Variants in RHOH observed in about 807,000 individuals in gnomAD.
RHOH encodes the protein rho-related GTP-binding protein RhoH.
Under a neutral mutation model 13.8 loss-of-function variants are expected in RHOH, and 6 were observed. The observed-to-expected ratio is 0.44, with a 90% confidence interval of 0.24 to 0.86. The LOEUF is 0.86. Ranked by LOEUF, RHOH falls within the 40% of genes least tolerant of loss-of-function variation. The probability of loss-of-function intolerance (pLI) is 0.24; values close to 1 mark genes in which losing one functional copy is unlikely to be tolerated. For synonymous variants in RHOH, 117 were observed against 103.0 expected (o/e 1.14, Z -0.82); for missense variants, 147 against 244.5 (o/e 0.60, Z 2.66).
intron 1 of RHOH, among the ~76,000 whole-genome samples, chr4:40,226,441 G>A (rs182571153): frequency 6.0e-5 from 9 of 150,488 alleles, no homozygotes; most frequent in African/African-American, 1.5e-4. Flanking sequence ...CAGGAGAATC[G>A]CATGAACCCA....
intron 1 of RHOH, among the ~76,000 whole-genome samples, chr4:40,242,475 T>C (rs149509716): frequency 1.1e-3 from 166 of 152,288 alleles, no homozygotes; most frequent in Non-Finnish European, 1.6e-3. Flanking sequence ...CTCAAAGCCA[T>C]GTGTAGGTGA....
At chr4:40,224,346 G>A (rs904475036) in intron 1 of RHOH, among the ~76,000 whole-genome samples, 2 of 152,180 alleles carry the variant, frequency 1.3e-5, no homozygotes, top group Non-Finnish European at 2.9e-5. Flanking sequence ...CGTGAATAAT[G>A]TAGCAATGGA....
chr4:40,205,631 T>G (rs1724554194), intron 1 of RHOH: 2 of 152,206 alleles, frequency 1.3e-5, no homozygotes, highest in Non-Finnish European at 2.9e-5. Flanking sequence ...TTTCCTGTCC[T>G]CCCAGACTGT....
At chr4:40,222,883 A>G (rs1043481286) in intron 1 of RHOH, among the ~76,000 whole-genome samples, 2 of 152,246 alleles carry the variant, frequency 1.3e-5, no homozygotes, top group African/African-American at 4.8e-5. Flanking sequence ...TTTGTGATTC[A>G]TGGCAGAAGG....
intron 1 of RHOH, among the ~76,000 whole-genome samples, chr4:40,238,441 G>A (rs1219586396): frequency 3.3e-5 from 5 of 152,190 alleles, no homozygotes; most frequent in African/African-American, 1.2e-4. Context: ...TTCTCCGGAG[G>A]AGGAAATGGG....
intron 1 of RHOH, among the ~76,000 whole-genome samples, chr4:40,219,767 G>A (rs1344240952): frequency 1.3e-5 from 2 of 152,152 alleles, no homozygotes; most frequent in Non-Finnish European, 2.9e-5. Flanking sequence ...GAAGAGCCAG[G>A]GCAGGAAAGC....
chr4:40,234,264 C>T (rs1489721126), intron 1 of RHOH, among the ~76,000 whole-genome samples: 1 of 152,156 alleles, frequency 6.6e-6, no homozygotes, highest in Admixed American at 6.5e-5. Flanking sequence ...TGGGGTTGCA[C>T]CCTCAACTCC....
At chr4:40,226,302 G>T (rs886207894) in intron 1 of RHOH, among the ~76,000 whole-genome samples, 1 of 151,984 alleles carries the variant, frequency 6.6e-6, no homozygotes, top group Admixed American at 6.6e-5. Context: ...TGAGGCGGGC[G>T]GATCACCTGA....
At chr4:40,193,652 G>C (rs1234429079), upstream of RHOH, 4 of 152,694 alleles carry the variant, frequency 2.6e-5, no homozygotes, top group Non-Finnish European at 4.4e-5. Flanking sequence ...AGATTAAACT[G>C]TGTGAAGATT....
Position 40,244,805 on chromosome 4 carries a change from T to G in RHOH, c.*843T>G. Reference sequence around the variant, plus strand: ...AACTTGGAACAGAAGCAAGAGAGTGTCACTTTCACTTCTGGTAGGGTGGTT... The same window carrying G: ...AACTTGGAACAGAAGCAAGAGAGTGGCACTTTCACTTCTGGTAGGGTGGTT... On this transcript the variant is annotated 3_prime_UTR_variant, in exon 3 of 3. Coordinates refer to ENST00000381799, the MANE Select transcript of RHOH (RefSeq NM_004310.5). The G allele has an allele frequency of 5.7e-6, 1 of 174,190 alleles. No individual in the cohort carries two copies. The highest frequency in any genetic ancestry group is 1.2e-5 in the Non-Finnish European group (1 of 80,576). 10.8% of individuals were successfully genotyped at this position (174,190 alleles called of 1,614,324 possible).
chr4:40,222,312 T>C (rs1339104182), intron 1 of RHOH, among the ~76,000 whole-genome samples: 1 of 152,236 alleles, frequency 6.6e-6, no homozygotes, highest in Admixed American at 6.5e-5. Flanking sequence ...AGATGCCATC[T>C]AGGACTTTCA....
At chr4:40,230,622 G>A (rs140507800) in intron 1 of RHOH, among the ~76,000 whole-genome samples, 2 of 151,452 alleles carry the variant, frequency 1.3e-5, no homozygotes, top group South Asian at 4.2e-4. Context: ...GCCTCCCAAA[G>A]TGCTGGGATT....
At chr4:40,220,618 A>AT (rs1171393329) in intron 1 of RHOH, among the ~76,000 whole-genome samples, 7 of 151,904 alleles carry the variant, frequency 4.6e-5, no homozygotes, top group Non-Finnish European at 8.8e-5. Context: ...AAAAAAAAAA[A>AT]TTTTTTTAAC....
At chr4:40,194,198 G>A (rs1722897281), upstream of RHOH, among the ~76,000 whole-genome samples, 1 of 149,776 alleles carries the variant, frequency 6.7e-6, no homozygotes, top group African/African-American at 2.5e-5. Flanking sequence ...ATTTTCTGAA[G>A]CATATCTGAA....
intron 1 of RHOH, among the ~76,000 whole-genome samples, chr4:40,241,879 G>A (rs1199284312): frequency 6.6e-6 from 1 of 152,194 alleles, no homozygotes; most frequent in Non-Finnish European, 1.5e-5. Context: ...GACAGAGCGA[G>A]ATCCTGTCTC....
rs918904105 is a variant in RHOH at position 40,246,897 on chromosome 4, A to T, written c.*2935A>T. 4 of 152,220 alleles carry T rather than the reference A, an allele frequency of 2.6e-5. No homozygotes were observed. The highest frequency in any genetic ancestry group is 9.6e-5 in the African/African-American group (4 of 41,460). The allele number at this position is 152,220 out of a possible 1,614,324, so 9.4% of individuals were successfully genotyped here. A position where few individuals can be genotyped will look rare whatever the true frequency, so the allele number is the denominator to read the frequency against. ...GTGGTACCTTTTTGTAGACTATTGCATATCGATTCTTAACTATTCCAAGTA... is the reference window on the plus strand; with the variant it reads ...GTGGTACCTTTTTGTAGACTATTGCTTATCGATTCTTAACTATTCCAAGTA... On this transcript the variant is annotated 3_prime_UTR_variant, in exon 3 of 3. Coordinates refer to ENST00000381799, the MANE Select transcript of RHOH (RefSeq NM_004310.5).
chr4:40,237,263 G>A (rs576476328), intron 1 of RHOH, among the ~76,000 whole-genome samples: 1 of 152,218 alleles, frequency 6.6e-6, no homozygotes, highest in Admixed American at 6.5e-5. Flanking sequence ...GACCATCCTG[G>A]CCAACATGGC....
intron 1 of RHOH, chr4:40,235,507 T>A (rs1212311169): frequency 6.7e-6 from 1 of 149,902 alleles, no homozygotes; most frequent in African/African-American, 2.5e-5. Context: ...GGAGAATCAC[T>A]TGAACCCAGG....
chr4:40,236,770 G>A lies in RHOH; in HGVS notation c.-330-5944G>A, dbSNP rs1407983814. The stretch of plus-strand genomic sequence containing the variant: ...TCGTGCCAGTGCAGTCCAGCCTGGC[G>A]ACAGAGTGAGACTCCATTAAAAAAA... On this transcript the variant is annotated intron_variant, in intron 1 of 2. Transcript: ENST00000381799. Among the ~76,000 whole-genome samples, 5 of 151,246 alleles carry A rather than the reference G, an allele frequency of 3.3e-5. No individual in the cohort carries two copies. In the East Asian group the frequency reaches 7.8e-4, roughly 23 times the overall value.
Sources: allele counts gnomAD v4.1 joint callset (sites outside exome capture counted in the v4.1 genomes callset), GRCh38; gene constraint gnomAD v4.1.1; transcripts MANE v1.5; gene names NCBI Gene and HGNC (gene_info 2026-07-23, HGNC 2026-07-21).